The following IGFBP7 variants were observed in gnomAD, a reference collection of about 807,000 sequenced individuals.
IGFBP7 encodes insulin like growth factor binding protein 7.
A neutral mutation model predicts 29.4 loss-of-function variants in IGFBP7; 31 were observed. The observed-to-expected ratio is 1.05, with a 90% CI of 0.79 to 1.42. The LOEUF (loss-of-function observed/expected upper bound fraction) is 1.42. IGFBP7 is among the 40% of genes most tolerant of loss of function. IGFBP7 has a pLI of 0.00. For missense variants in IGFBP7, 393 were observed against 395.5 expected (o/e 0.99, Z 0.05); for synonymous variants, 172 against 174.9 (o/e 0.98, Z 0.13).
At chr4:57,080,922 T>C (rs886536625) in intron 1 of IGFBP7, among the ~76,000 whole-genome samples, 2 of 152,186 alleles carry the variant, frequency 1.3e-5, no homozygotes, top group African/African-American at 4.8e-5. Flanking sequence ...CAAGGGGATA[T>C]CTCTGTTGGC....
Position 57,084,570 on chromosome 4 carries a change from A to C in IGFBP7, c.475+25307T>G, listed in dbSNP as rs182309048. On this transcript the variant is annotated intron_variant, in intron 1 of 4. Coordinates refer to ENST00000295666, the MANE Select transcript of IGFBP7 (RefSeq NM_001553.3). ...TCCTCCATGAAGCCCTCCTAGGTGG[A>C]AGTCATGGCTACTTCCTCTGAACAC... 3.5e-4 allele frequency among the ~76,000 whole-genome samples: 53 copies of C among 152,238 alleles called. No individual in the cohort carries two copies. The Middle Eastern group carries it at 0.014, about 39-fold the overall frequency.
intron 1 of IGFBP7, among the ~76,000 whole-genome samples, chr4:57,081,075 C>A (rs544699428): frequency 1.3e-5 from 2 of 152,210 alleles, no homozygotes; most frequent in Non-Finnish European, 2.9e-5. Context: ...TATGGAGCTT[C>A]CCCCTTTTGT....
intron 1 of IGFBP7, among the ~76,000 whole-genome samples, chr4:57,087,793 A>T (rs1009089340): frequency 6.6e-6 from 1 of 152,194 alleles, no homozygotes; most frequent in Non-Finnish European, 1.5e-5. Context: ...TGCTTGCTCC[A>T]TTTCACAGGT....
chr4:57,090,987 A>T (rs904678210), intron 1 of IGFBP7, among the ~76,000 whole-genome samples: 10 of 152,218 alleles, frequency 6.6e-5, no homozygotes, highest in African/African-American at 2.2e-4. Flanking sequence ...GGCCATGTGT[A>T]TTCTTTGGGA....
chr4:57,063,619 G>A (rs1724848340), intron 1 of IGFBP7, among the ~76,000 whole-genome samples: 1 of 152,172 alleles, frequency 6.6e-6, no homozygotes, highest in South Asian at 2.1e-4. Context: ...AGCTAGCTAT[G>A]ACTACTTTTA....
chr4:57,096,853 A>AT (rs1725774194), intron 1 of IGFBP7, among the ~76,000 whole-genome samples: 1 of 152,218 alleles, frequency 6.6e-6, no homozygotes, highest in African/African-American at 2.4e-5. Context: ...TTTTTAAATG[A>AT]TTTTTAAAAA....
At chr4:57,079,609 T>C (rs936821624) in intron 1 of IGFBP7, among the ~76,000 whole-genome samples, 1 of 152,156 alleles carries the variant, frequency 6.6e-6, no homozygotes. Context: ...AGGAAAGTAA[T>C]AGAAAATGAA....
At chr4:57,072,855 G>A (rs1725089337) in intron 1 of IGFBP7, 4 of 626,996 alleles carry the variant, frequency 6.4e-6, no homozygotes, top group South Asian at 5.5e-5. Context: ...CTCCCCAGGG[G>A]CTACCCTTAC....
Position 57,073,019 on chromosome 4 carries a change from A to G in IGFBP7, c.476-32086T>C, listed in dbSNP as rs1398252243. On this transcript the variant is annotated intron_variant, in intron 1 of 4. Transcript: ENST00000295666. Reference sequence around the variant, plus strand: ...CATCCACAGCCTTCGAGGCAAACCCAACATTGATAGCTCGTTGAACAGGCA... The same window carrying G: ...CATCCACAGCCTTCGAGGCAAACCCGACATTGATAGCTCGTTGAACAGGCA... 4.5e-6 allele frequency: 5 copies of G among 1,115,938 alleles called. No individual in the cohort carries two copies. The East Asian group carries it at 7.3e-5, about 16-fold the overall frequency. 69.1% of individuals were successfully genotyped at this position (1,115,938 alleles called of 1,614,324 possible).
intron 1 of IGFBP7, among the ~76,000 whole-genome samples, chr4:57,063,472 A>C (rs1724846019): frequency 6.6e-6 from 1 of 152,272 alleles, no homozygotes; most frequent in Non-Finnish European, 1.5e-5. Context: ...AACCAATGTC[A>C]CTACCAAAAT....
At chr4:57,100,632 C>T (rs1725875489) in intron 1 of IGFBP7, among the ~76,000 whole-genome samples, 1 of 152,154 alleles carries the variant, frequency 6.6e-6, no homozygotes, top group Non-Finnish European at 1.5e-5. Flanking sequence ...AACCCCCTTG[C>T]TCATTCAACA....
At chr4:57,096,691 G>C (rs993200016) in intron 1 of IGFBP7, among the ~76,000 whole-genome samples, 2 of 152,162 alleles carry the variant, frequency 1.3e-5, no homozygotes, top group African/African-American at 2.4e-5. Flanking sequence ...AAGTTATCCA[G>C]CTTCTTAAAC....
chr4:57,084,715 C>G (rs67355508), intron 1 of IGFBP7, among the ~76,000 whole-genome samples: 17,576 of 148,828 alleles, frequency 0.12, 1,233 homozygotes, highest in Non-Finnish European at 0.14. Context: ...CAGGGGCTGT[C>G]AAATGATCTG....
At chr4:57,096,997 T>C (rs896268039) in intron 1 of IGFBP7, among the ~76,000 whole-genome samples, 1 of 152,228 alleles carries the variant, frequency 6.6e-6, no homozygotes, top group Non-Finnish European at 1.5e-5. Flanking sequence ...ATAATGGGCA[T>C]TAATTGTGCT....
At chr4:57,061,149 T>G (rs1724790438) in intron 1 of IGFBP7, among the ~76,000 whole-genome samples, 1 of 152,040 alleles carries the variant, frequency 6.6e-6, no homozygotes, top group Non-Finnish European at 1.5e-5. Context: ...ATGTTCAAGA[T>G]GTGGGAAAAC....
intron 1 of IGFBP7, among the ~76,000 whole-genome samples, chr4:57,061,866 G>A (rs1017419909): frequency 2.0e-5 from 3 of 151,944 alleles, no homozygotes; most frequent in African/African-American, 7.3e-5. Context: ...GTCTTGCTAC[G>A]TTGCCAGGCT....
At chr4:57,070,961 T>G (rs1199244384) in intron 1 of IGFBP7, among the ~76,000 whole-genome samples, 1 of 152,238 alleles carries the variant, frequency 6.6e-6, no homozygotes, top group African/African-American at 2.4e-5. Flanking sequence ...GCCAATTCAT[T>G]TGAAGATGGG....
At position 57,094,317 on chromosome 4, in the gene IGFBP7, G is replaced by C. The variant is rs116417179; in HGVS notation, c.475+15560C>G. Among the ~76,000 whole-genome samples the C allele has an allele frequency of 5.7e-4, 87 of 152,306 alleles. 1 individual carries two copies. Among genetic ancestry groups the C allele is most frequent in the African/African-American group, 1.9e-3 (80 of 41,568 alleles). On this transcript the variant is annotated intron_variant, in intron 1 of 4. Coordinates refer to ENST00000295666, the MANE Select transcript of IGFBP7 (RefSeq NM_001553.3). ...TGCACTCCACAGAGCCAGGGACAGA[G>C]CCTACTTGCCAAGTGGAAACTGGGA...
At chr4:57,042,628 G>T (rs1421055625) in intron 1 of IGFBP7, among the ~76,000 whole-genome samples, 1 of 152,158 alleles carries the variant, frequency 6.6e-6, no homozygotes, top group Non-Finnish European at 1.5e-5. Flanking sequence ...GATTACAGGC[G>T]TGAGCCACTA....
Sources: gnomAD v4.1 joint callset for allele counts (sites outside exome capture counted in the v4.1 genomes callset) on GRCh38, gnomAD v4.1.1 for gene constraint, MANE v1.5 for transcripts, NCBI Gene and HGNC (gene_info 2026-07-23, HGNC 2026-07-21) for gene names.